SLC24A4: variants seen among roughly 807,000 people sequenced by gnomAD.
SLC24A4 encodes the protein sodium/potassium/calcium exchanger 4.
In SLC24A4, 53 loss-of-function variants were observed where a neutral mutation model predicts 79.0. That is an observed-to-expected ratio of 0.67 (90% CI 0.54 to 0.84). The LOEUF is 0.84. Among genes scored for constraint, SLC24A4 ranks in the 40% least tolerant of loss-of-function variants. The pLI is 0.00. For missense variants in SLC24A4, 731 were observed against 822.0 expected, an observed-to-expected ratio of 0.89 and a Z score of 1.35; for synonymous variants, 323 against 323.8, an observed-to-expected ratio of 1.00 and a Z score of 0.03.
intron 2 of SLC24A4, among the ~76,000 whole-genome samples, chr14:92,429,269 A>G (rs913126426): frequency 1.3e-5 from 2 of 152,134 alleles, no homozygotes; most frequent in African/African-American, 2.4e-5. Flanking sequence ...GGGTGATGGA[A>G]CTATTCTGTC....
At chr14:92,393,566 T>G (rs941639) in intron 2 of SLC24A4, among the ~76,000 whole-genome samples, 22,707 of 146,078 alleles carry the variant, frequency 0.16, 2,452 homozygotes, top group African/African-American at 0.29. Flanking sequence ...TTTTTTTTTT[T>G]ACGGAGTCTC....
At chr14:92,402,014 C>T (rs571862873) in intron 2 of SLC24A4, among the ~76,000 whole-genome samples, 1 of 152,274 alleles carries the variant, frequency 6.6e-6, no homozygotes, top group East Asian at 1.9e-4. Context: ...TACCTGATTT[C>T]CTCGATGATG....
In SLC24A4 at chr14:92,443,208, T is replaced by C. The variant is rs61977293; in HGVS notation, c.583-192T>C. On this transcript the variant is annotated intron_variant, in intron 6 of 16. Transcript: ENST00000532405. ...TGACCTCAGAGGAATAGAGGGCAGCTTTGCCATGGCTTGAGAACATTACTT... is the reference window on the plus strand; with the variant it reads ...TGACCTCAGAGGAATAGAGGGCAGCCTTGCCATGGCTTGAGAACATTACTT... Among the ~76,000 whole-genome samples, 8,833 of 152,318 alleles carry C rather than the reference T, an allele frequency of 0.058. 334 individuals are homozygous for C. Among genetic ancestry groups the C allele is most frequent in the Middle Eastern group, 0.13 (38 of 294 alleles).
chr14:92,465,237 C>A (rs941649), intron 12 of SLC24A4, among the ~76,000 whole-genome samples: 106,450 of 152,002 alleles, frequency 0.7, 37,778 homozygotes, highest in Non-Finnish European at 0.76. Context: ...GTGGGTGGGC[C>A]GGGACAGTTA....
At chr14:92,491,465 G>C (rs1367199163) in intron 14 of SLC24A4, among the ~76,000 whole-genome samples, 200 bp from the exon 15 acceptor site, 3 of 152,178 alleles carry the variant, frequency 2.0e-5, no homozygotes. Context: ...AATTTGGAGG[G>C]TCACAGTCAA....
In SLC24A4 at chr14:92,360,060, AG is replaced by A. The variant is rs1179539466; in HGVS notation, c.241+34084del. Among the ~76,000 whole-genome samples, 5 of 152,172 alleles carry A rather than the reference AG, an allele frequency of 3.3e-5. No individual in the cohort carries two copies. In the East Asian group the frequency reaches 5.8e-4, roughly 18 times the overall value. ...CAGCCTCCCAAGTAGCTAAGATTAT[AG>A]GTGTGCACCACCATGCCTGGCTATG... On this transcript the variant is annotated intron_variant, in intron 2 of 16. Coordinates refer to ENST00000532405, the MANE Select transcript of SLC24A4 (RefSeq NM_153646.4).
chr14:92,414,270 C>T (rs1362739701), intron 2 of SLC24A4, among the ~76,000 whole-genome samples: 3 of 152,156 alleles, frequency 2.0e-5, no homozygotes, highest in Middle Eastern at 6.3e-3. Context: ...ACCCCTCCCC[C>T]GGTTGTGACA....
At chr14:92,428,251 C>T (rs996604711) in intron 2 of SLC24A4, among the ~76,000 whole-genome samples, 6 of 152,108 alleles carry the variant, frequency 3.9e-5, no homozygotes, top group African/African-American at 1.2e-4. Context: ...GTGGAAATGG[C>T]AGCAGGAAGA....
chr14:92,476,325 T>C (rs996113600), intron 12 of SLC24A4, among the ~76,000 whole-genome samples: 8 of 152,194 alleles, frequency 5.3e-5, no homozygotes, highest in Admixed American at 6.5e-5. Context: ...AGGAAAACTT[T>C]TGGCCATTTG....
rs1359744063 is a variant in SLC24A4, at chr14:92,323,654, C to A, written c.-177C>A. On this transcript the variant is annotated 5_prime_UTR_variant, in exon 1 of 17. Transcript: ENST00000532405. This position sits in a 1 kb window ranked among gnomAD's most constrained non-coding sequence, Gnocchi z 4.9. Reference sequence around the variant, plus strand: ...CTCCGGCCGCGTCGCGCGTCCCCACCTTCCCAAGGGGCTCCCCCGCCGACC... The same window carrying A: ...CTCCGGCCGCGTCGCGCGTCCCCACATTCCCAAGGGGCTCCCCCGCCGACC... 2 of 698,538 alleles carry A rather than the reference C, an allele frequency of 2.9e-6. No individual in the cohort carries two copies. The highest frequency in any genetic ancestry group is 4.3e-6 in the Non-Finnish European group (2 of 465,438). 43.3% of individuals were successfully genotyped at this position (698,538 alleles called of 1,614,324 possible).
chr14:92,331,678 G>C (rs1474885643), intron 2 of SLC24A4, among the ~76,000 whole-genome samples: 1 of 152,124 alleles, frequency 6.6e-6, no homozygotes, highest in African/African-American at 2.4e-5. Context: ...ACCATAATAC[G>C]TGCTTCACTT....
chr14:92,323,616 G>A lies in SLC24A4; in HGVS notation c.-215G>A. The A allele has an allele frequency of 2.2e-6, 1 of 449,264 alleles. No individual in the cohort carries two copies. Among genetic ancestry groups the A allele is most frequent in the South Asian group, 4.9e-5 (1 of 20,338 alleles). 27.8% of individuals were successfully genotyped at this position (449,264 alleles called of 1,614,324 possible). A position where few individuals can be genotyped will look rare whatever the true frequency, so the allele number is the denominator to read the frequency against. ...GGTGCGCGCAGCGCGCACGCGGCGC[G>A]CGGGACTCTGAGCTCCGGCCGCGTC... On this transcript the variant is annotated 5_prime_UTR_variant, in exon 1 of 17. Transcript: ENST00000532405. This position sits in a 1 kb window ranked among gnomAD's most constrained non-coding sequence, Gnocchi z 4.9.
intron 16 of SLC24A4, 88 bp downstream of exon 16, chr14:92,492,328 CCT>C (rs1895728683): frequency 4.9e-6 from 6 of 1,230,724 alleles, no homozygotes; most frequent in East Asian, 4.7e-5. Context: ...TCTGTACACC[CCT>C]GTCACTTCCC....
At chr14:92,382,176 A>G (rs544452917) in intron 2 of SLC24A4, among the ~76,000 whole-genome samples, 1 of 152,250 alleles carries the variant, frequency 6.6e-6, no homozygotes, top group South Asian at 2.1e-4. Context: ...ATATCAATAC[A>G]TATATACATA....
At chr14:92,456,696 C>A in intron 12 of SLC24A4, 88 bp downstream of exon 12, 2 of 1,347,570 alleles carry the variant, frequency 1.5e-6, no homozygotes, top group Non-Finnish European at 2.1e-6. Context: ...GAGGCATGGA[C>A]TTGTAAGGGC....
intron 12 of SLC24A4, among the ~76,000 whole-genome samples, chr14:92,460,780 G>A (rs1228632092): frequency 1.3e-5 from 2 of 152,170 alleles, no homozygotes; most frequent in Admixed American, 1.3e-4. Context: ...CTGATAAGTG[G>A]GGAGGTGGGA....
At chr14:92,454,645 AG>A (rs933824708) in intron 11 of SLC24A4, among the ~76,000 whole-genome samples, 2 of 152,252 alleles carry the variant, frequency 1.3e-5, no homozygotes, top group Admixed American at 1.3e-4. Flanking sequence ...CCTTACTCTG[AG>A]AAGCAGATGG....
At chr14:92,358,707 T>G (rs546688469) in intron 2 of SLC24A4, among the ~76,000 whole-genome samples, 7,443 of 150,490 alleles carry the variant, frequency 0.049, 245 homozygotes, top group Middle Eastern at 0.099. Flanking sequence ...TTTTTTTTTT[T>G]TTTTTTTGAG....
chr14:92,351,236 G>GCGCGCACACACACACACA (rs112120101), intron 2 of SLC24A4, among the ~76,000 whole-genome samples: 375 of 147,064 alleles, frequency 2.5e-3, no homozygotes, highest in Non-Finnish European at 2.5e-3. Context: ...ACACATACAC[G>GCGCGCACACACACACACA]CACACACACA....
Sources: allele counts gnomAD v4.1 joint callset (sites outside exome capture counted in the v4.1 genomes callset), GRCh38; gene constraint gnomAD v4.1.1; non-coding constraint Gnocchi (gnomAD v3.1); transcripts MANE v1.5; gene names NCBI Gene and HGNC (gene_info 2026-07-23, HGNC 2026-07-21).